The following RBFOX3 variants were observed in gnomAD, a reference collection of about 807,000 sequenced individuals.
RBFOX3 encodes RNA binding fox-1 homolog 3, also known as RNA binding protein fox-1 homolog 3.
A neutral mutation model predicts 48.7 loss-of-function variants in RBFOX3; 17 were observed. The observed-to-expected ratio is 0.35, with a 90% CI of 0.24 to 0.52. The LOEUF (loss-of-function observed/expected upper bound fraction) is 0.52, where lower values mean the gene tolerates loss of function less well. Among genes scored for constraint, RBFOX3 ranks in the 20% least tolerant of loss-of-function variants. The pLI is 0.94. For synonymous variants in RBFOX3, 212 were observed against 209.5 expected (o/e 1.01, Z -0.10); for missense variants, 382 against 497.5 (o/e 0.77, Z 2.21).
chr17:79,484,309 G>A (rs1323724159), intron 1 of RBFOX3, among the ~76,000 whole-genome samples: 12 of 152,216 alleles, frequency 7.9e-5, no homozygotes, highest in South Asian at 2.1e-4. Context: ...CAGCAACCCC[G>A]GAGCAATGCC....
At chr17:79,656,844 A>AGG in the RBFOX3 span, among the ~76,000 whole-genome samples, 2 of 122,300 alleles carry the variant, frequency 1.6e-5, no homozygotes, top group African/African-American at 3.7e-5. Context: ...GAAAGAAAGA[A>AGG]AAGAAAAGAA....
intron 4 of RBFOX3, among the ~76,000 whole-genome samples, chr17:79,159,739 A>T (rs992051281): frequency 7.2e-6 from 1 of 138,364 alleles, no homozygotes; most frequent in Non-Finnish European, 1.5e-5. Context: ...ACACACACAC[A>T]TTGGTCACAC....
intron 3 of RBFOX3, chr17:79,298,086 C>T (rs530996414): frequency 1.3e-5 from 2 of 152,228 alleles, no homozygotes; most frequent in South Asian, 4.1e-4. Flanking sequence ...AGATATGAGC[C>T]AGTTCAGATC....
At position 79,097,686 on chromosome 17, in the gene RBFOX3, T is replaced by G; in HGVS notation, c.622+6A>C. ...CATCCCATCCCCGCCCCGCCCCAGCTTTTACCTGCATAGAATTCAGGCCCG... is the reference window on the plus strand; with the variant it reads ...CATCCCATCCCCGCCCCGCCCCAGCGTTTACCTGCATAGAATTCAGGCCCG... On this transcript the variant is annotated splice_donor_region_variant and intron_variant, in intron 10 of 14. Coordinates refer to ENST00000693108, the MANE Select transcript of RBFOX3 (RefSeq NM_001350451.2). 2.0e-6 allele frequency: 3 copies of G among 1,468,830 alleles called. No individual in the cohort carries two copies. Among genetic ancestry groups the G allele is most frequent in the Non-Finnish European group, 2.8e-6 (3 of 1,088,892 alleles). 91.0% of individuals were successfully genotyped at this position (1,468,830 alleles called of 1,614,324 possible).
intron 2 of RBFOX3, among the ~76,000 whole-genome samples, chr17:79,440,284 G>A (rs892395562): frequency 5.5e-4 from 84 of 152,312 alleles, no homozygotes; most frequent in African/African-American, 1.9e-3. Flanking sequence ...GCTTTTCCAC[G>A]GCATTTCCCA....
At chr17:79,304,951 C>T (rs540000874) in intron 3 of RBFOX3, among the ~76,000 whole-genome samples, 35 of 152,284 alleles carry the variant, frequency 2.3e-4, no homozygotes, top group African/African-American at 8.2e-4. Flanking sequence ...GCCCCTCCCT[C>T]CCACCGCGTC....
rs1491448579 is a variant in RBFOX3, at chr17:79,264,963, GGA to G, written c.-73-29160_-73-29159del. 4.1e-4 allele frequency among the ~76,000 whole-genome samples: 57 copies of G among 139,320 alleles called. 2 individuals carry two copies. The highest frequency in any genetic ancestry group is 1.3e-3 in the African/African-American group (46 of 36,390). The allele number at this position is 139,320 out of a possible 152,430, so 91.4% of individuals were successfully genotyped here. A position where few individuals can be genotyped will look rare whatever the true frequency, so the allele number is the denominator to read the frequency against. On this transcript the variant is annotated intron_variant, in intron 3 of 14. Coordinates refer to ENST00000693108, the MANE Select transcript of RBFOX3 (RefSeq NM_001350451.2). ...GCCCTTGGAGACCCTCAGTGCGAGAGGAGGGGGGGGGGGCGCAGATTTGTGGC... is the reference window on the plus strand; with the variant it reads ...GCCCTTGGAGACCCTCAGTGCGAGAGGGGGGGGGGGGCGCAGATTTGTGGC...
chr17:79,620,368 C>T, the RBFOX3 span, among the ~76,000 whole-genome samples: 1 of 149,074 alleles, frequency 6.7e-6, no homozygotes, highest in South Asian at 2.1e-4. Flanking sequence ...TGGACACACA[C>T]GGACATACAC....
chr17:79,092,002 G>T (rs556224572), intron 14 of RBFOX3: 748 of 985,472 alleles, frequency 7.6e-4, no homozygotes, highest in Admixed American at 1.0e-3. Flanking sequence ...GGGCGAGGAG[G>T]GGCAGTGGCT....
At chr17:79,310,827 C>A (rs888130781) in intron 2 of RBFOX3, among the ~76,000 whole-genome samples, 3 of 152,148 alleles carry the variant, frequency 2.0e-5, no homozygotes, top group African/African-American at 7.2e-5. Flanking sequence ...GAGTTCACTG[C>A]CCTCTAGGCC....
rs571123616 is a variant in RBFOX3 at position 79,508,553 on chromosome 17, G to A, written c.-319-25955C>T. On this transcript the variant is annotated intron_variant, in intron 1 of 14. Transcript: ENST00000693108. ...TCTGCAGCACCGCGCTGGCTCGGCC[G>A]AAGCTGACTGGAGTTTTAATGACTC... Among the ~76,000 whole-genome samples the A allele has an allele frequency of 2.9e-3, 446 of 152,266 alleles. 3 individuals carry two copies. The highest frequency in any genetic ancestry group is 9.3e-3 in the African/African-American group (387 of 41,564).
rs2031361922 is a variant in RBFOX3 at position 79,111,312 on chromosome 17, C to G, written c.222+4182G>C. Among the ~76,000 whole-genome samples the G allele has an allele frequency of 6.6e-6, 1 of 152,116 alleles. No individual in the cohort carries two copies. Among genetic ancestry groups the G allele is most frequent in the South Asian group, 2.1e-4 (1 of 4,832 alleles). On this transcript the variant is annotated intron_variant, in intron 5 of 14. Transcript: ENST00000693108. This position sits in a 1 kb window ranked among gnomAD's most constrained non-coding sequence, Gnocchi z 4.2. ...GGCCCTTGCGGCCCACGTGGGGTCC[C>G]TTCTGGCAGGTGGAGGAGCCCACGT...
intron 3 of RBFOX3, among the ~76,000 whole-genome samples, chr17:79,288,243 A>C (rs1490888189): frequency 2.0e-5 from 3 of 152,186 alleles, no homozygotes; most frequent in African/African-American, 7.2e-5. Context: ...TCACCAGGAC[A>C]GGGCTTCTTT....
At chr17:79,397,130 A>G (rs2062087579) in intron 2 of RBFOX3, among the ~76,000 whole-genome samples, 1 of 152,212 alleles carries the variant, frequency 6.6e-6, no homozygotes, top group Non-Finnish European at 1.5e-5. Flanking sequence ...AGCCCCGCGG[A>G]CAGGCAGGAT....
chr17:79,162,378 C>T (rs967812379), intron 4 of RBFOX3, among the ~76,000 whole-genome samples: 6 of 152,188 alleles, frequency 3.9e-5, no homozygotes, highest in Non-Finnish European at 5.9e-5. Context: ...GCCCCCAGCC[C>T]GGTGAGTGGA....
rs542286319 is a variant in RBFOX3, at chr17:79,430,138, A to T, written c.-175+52316T>A. On this transcript the variant is annotated intron_variant, in intron 2 of 14. Transcript: ENST00000693108. ...TGCACTCAGACCACAGGGGCCAGCC[A>T]GCCGTCGCTTTGAAGACGACTTCAG... Among the ~76,000 whole-genome samples the T allele has an allele frequency of 1.9e-3, 296 of 152,298 alleles. 3 individuals carry two copies. Among genetic ancestry groups the T allele is most frequent in the African/African-American group, 7.0e-3 (292 of 41,564 alleles).
intron 1 of RBFOX3, among the ~76,000 whole-genome samples, chr17:79,531,845 G>A (rs1187074379): frequency 1.3e-5 from 2 of 152,182 alleles, no homozygotes; most frequent in African/African-American, 2.4e-5. Context: ...CACGTTCTCC[G>A]TGACTCACCT....
intron 2 of RBFOX3, among the ~76,000 whole-genome samples, chr17:79,409,288 C>G (rs1482057619): frequency 1.3e-5 from 2 of 152,240 alleles, no homozygotes; most frequent in Non-Finnish European, 2.9e-5. Context: ...TGGGCTCTTG[C>G]AAACGGTGCT....
chr17:79,206,413 G>C (rs1194324610), intron 4 of RBFOX3, among the ~76,000 whole-genome samples: 1 of 152,166 alleles, frequency 6.6e-6, no homozygotes, highest in Non-Finnish European at 1.5e-5. Context: ...GGCGGATAAG[G>C]CTGTGTGAGG....
Sources: allele counts gnomAD v4.1 joint callset (sites outside exome capture counted in the v4.1 genomes callset), GRCh38; gene constraint gnomAD v4.1.1; non-coding constraint Gnocchi (gnomAD v3.1); transcripts MANE v1.5; gene names NCBI Gene and HGNC (gene_info 2026-07-23, HGNC 2026-07-21).